Variants in SLFN12L observed in about 807,000 individuals in gnomAD.
SLFN12L encodes the protein schlafen family member 12-like.
A neutral mutation model predicts 34.8 loss-of-function variants in SLFN12L; 34 were observed. The ratio of observed to expected loss-of-function variants is 0.98; its 90% confidence interval spans 0.74 to 1.30. SLFN12L has a LOEUF of 1.30. Among genes scored for constraint, SLFN12L ranks in the 50% most tolerant of loss-of-function variants. SLFN12L has a pLI of 0.00. For synonymous variants in SLFN12L, 259 were observed against 247.5 expected, an observed-to-expected ratio of 1.05 and a Z score of -0.44; for missense variants, 703 against 696.2, an observed-to-expected ratio of 1.01 and a Z score of -0.11.
Position 35,479,655 on chromosome 17 carries a change from G to A in SLFN12L, c.627C>T (p.Ala209=), listed in dbSNP as rs1914221072. ...YLRPEFPAKR[A]CVDVQEESNM... ...TACTTTCTTCTTGTACATCAACACA[G>A]GCCCTTTTTGCAGGGAATTCTGGTC... The change falls in exon 3 of 5, where the codon GCC becomes GCT. Residue 209 remains alanine (A), a synonymous_variant. Coordinates refer to ENST00000628453, the MANE Select transcript of SLFN12L (RefSeq NM_001363830.2). The A allele has an allele frequency of 5.6e-6, 9 of 1,611,238 alleles. No homozygotes were observed. Among genetic ancestry groups the A allele is most frequent in the South Asian group, 5.5e-5 (5 of 90,808 alleles).
chr17:35,522,304 T>C lies in SLFN12L; in HGVS notation c.61A>G (p.Ser21Gly), dbSNP rs370557100. 2 of 1,613,970 alleles carry C rather than the reference T, an allele frequency of 1.2e-6. No homozygotes were observed. The highest frequency in any genetic ancestry group is 2.7e-5 in the African/African-American group (2 of 74,916). ...CTGATGAAATTCCTCAGAAACTGAC[T>C]TTCACAAATGTAGAGAATTCTGTGT... is the stretch of plus-strand genomic sequence containing the variant. ...EAHRILYICE[S>G]QFLRNFIRKE... The change falls in exon 2 of 5, where the codon AGT becomes GGT. Residue 21 changes from serine (S) to glycine (G), a missense_variant. Physicochemically the swap from Ser to Gly is moderately conservative, Grantham distance 56 (BLOSUM62 0). Coordinates refer to ENST00000628453, the MANE Select transcript of SLFN12L (RefSeq NM_001363830.2).
At chr17:35,514,020 A>T (rs754173840) in intron 2 of SLFN12L, among the ~76,000 whole-genome samples, 3 of 152,250 alleles carry the variant, frequency 2.0e-5, no homozygotes, top group African/African-American at 7.2e-5. Flanking sequence ...AACAGAACCA[A>T]ATGACCGAGA....
intron 2 of SLFN12L, among the ~76,000 whole-genome samples, chr17:35,518,277 T>A (rs1371273104): frequency 2.6e-5 from 4 of 152,032 alleles, no homozygotes; most frequent in Non-Finnish European, 4.4e-5. Flanking sequence ...TATGACCAGG[T>A]GTGGTGGCCC....
intron 2 of SLFN12L, among the ~76,000 whole-genome samples, chr17:35,480,667 G>T (rs1055503781): frequency 6.6e-6 from 1 of 151,834 alleles, no homozygotes; most frequent in African/African-American, 2.4e-5. Context: ...GCCAGATAGG[G>T]TCTAAGAGGG....
chr17:35,532,508 A>G (rs1034298915), intron 1 of SLFN12L, among the ~76,000 whole-genome samples: 2 of 152,112 alleles, frequency 1.3e-5, no homozygotes, highest in African/African-American at 4.8e-5. Flanking sequence ...AGATAAATCA[A>G]TAACAGAATA....
intron 2 of SLFN12L, among the ~76,000 whole-genome samples, chr17:35,509,703 CTTT>C (rs538671249): frequency 6.9e-6 from 1 of 145,726 alleles, no homozygotes. Context: ...AAAAGAGACT[CTTT>C]TTTTTTTTTG....
At chr17:35,497,412 TA>T (rs1186486854) in intron 2 of SLFN12L, among the ~76,000 whole-genome samples, 2 of 151,380 alleles carry the variant, frequency 1.3e-5, no homozygotes, top group African/African-American at 4.8e-5. Context: ...ATAAATAAAA[TA>T]AATATAAAAA....
intron 2 of SLFN12L, among the ~76,000 whole-genome samples, chr17:35,508,271 G>T (rs1873447777): frequency 1.3e-5 from 2 of 152,190 alleles, no homozygotes; most frequent in South Asian, 4.1e-4. Flanking sequence ...CTCAGTTTTT[G>T]GAGACGTGAG....
intron 2 of SLFN12L, among the ~76,000 whole-genome samples, chr17:35,504,944 CT>C (rs1251036932): frequency 2.0e-5 from 3 of 152,186 alleles, no homozygotes; most frequent in African/African-American, 7.2e-5. Context: ...TTGGCTATCC[CT>C]TTCACCCTGG....
Position 35,522,563 on chromosome 17 carries a change from T to C in SLFN12L, c.-199A>G, listed in dbSNP as rs1371437582. The C allele has an allele frequency of 1.4e-5, 22 of 1,609,104 alleles. No homozygotes were observed. In the South Asian group the frequency reaches 1.7e-4, roughly 12 times the overall value. On this transcript the variant is annotated 5_prime_UTR_variant, in exon 2 of 5. Coordinates refer to ENST00000628453, the MANE Select transcript of SLFN12L (RefSeq NM_001363830.2). ...CGAGGGACTGCAGCAGGGCTTCCAATGTGCTGGGTGCCTGCAAAACTATAG... is the reference window on the plus strand; with the variant it reads ...CGAGGGACTGCAGCAGGGCTTCCAACGTGCTGGGTGCCTGCAAAACTATAG...
intron 4 of SLFN12L, among the ~76,000 whole-genome samples, chr17:35,477,222 T>A (rs1053654398): frequency 1.3e-5 from 2 of 152,216 alleles, no homozygotes; most frequent in Non-Finnish European, 1.5e-5. Context: ...GAAAAGTGGT[T>A]ATCCACATGG....
chr17:35,474,866 G>A lies in SLFN12L; in HGVS notation c.*57C>T. 2.0e-6 allele frequency: 3 copies of A among 1,465,050 alleles called. No individual in the cohort carries two copies. The highest frequency in any genetic ancestry group is 2.7e-6 in the Non-Finnish European group (3 of 1,110,320). The allele number at this position is 1,465,050 out of a possible 1,614,324, so 90.8% of individuals were successfully genotyped here. A position where few individuals can be genotyped will look rare whatever the true frequency, so the allele number is the denominator to read the frequency against. On this transcript the variant is annotated 3_prime_UTR_variant, in exon 5 of 5. Transcript: ENST00000628453. ...GAATTGCTTGAACCCAGGAGGCAGA[G>A]GTTGCAGTGAGTCGAGATCGTGTCA...
intron 2 of SLFN12L, among the ~76,000 whole-genome samples, chr17:35,521,991 G>A (rs1403465941): frequency 2.0e-5 from 3 of 152,008 alleles, no homozygotes; most frequent in Non-Finnish European, 4.4e-5. Context: ...GAGAGGGAGG[G>A]ATAGCATTAG....
intron 2 of SLFN12L, among the ~76,000 whole-genome samples, chr17:35,484,599 G>A (rs1914501428): frequency 6.6e-6 from 1 of 152,120 alleles, no homozygotes; most frequent in African/African-American, 2.4e-5. Context: ...AAACTCAATG[G>A]CCCTTCACCC....
Position 35,509,171 on chromosome 17 carries a change from G to T in SLFN12L, c.86+13108C>A, listed in dbSNP as rs149157921. On this transcript the variant is annotated intron_variant, in intron 2 of 4. Transcript: ENST00000628453. ...AAACTAAGGTAGTGACAGTGGAAAA[G>T]GAGGCATGGATGGACTAGAGAAGAG... Among the ~76,000 whole-genome samples the T allele has an allele frequency of 1.2e-3, 185 of 152,308 alleles. 1 individual carries two copies. Among genetic ancestry groups the T allele is most frequent in the African/African-American group, 4.1e-3 (172 of 41,558 alleles).
Position 35,530,522 on chromosome 17 carries a change from GA to G in SLFN12L, c.-606+7050del, listed in dbSNP as rs1567694717. ...AAAGAAAGAAAGAAAGAAAAGAAAA[GA>G]AAAGAAAAGAAAAGAAAAGAAAGAA... On this transcript the variant is annotated intron_variant, in intron 1 of 4. Transcript: ENST00000628453. 6.1e-3 allele frequency among the ~76,000 whole-genome samples: 231 copies of G among 37,736 alleles called. 20 individuals carry two copies. The highest frequency in any genetic ancestry group is 0.014 in the African/African-American group (167 of 12,248). 24.8% of individuals were successfully genotyped at this position (37,736 alleles called of 152,430 possible).
At chr17:35,504,345 C>G (rs1484469607) in intron 2 of SLFN12L, among the ~76,000 whole-genome samples, 1 of 152,226 alleles carries the variant, frequency 6.6e-6, no homozygotes, top group Non-Finnish European at 1.5e-5. Context: ...CAAGGATGGA[C>G]TGCCCCAACC....
At chr17:35,495,704 C>G (rs1915031997) in intron 2 of SLFN12L, among the ~76,000 whole-genome samples, 1 of 146,950 alleles carries the variant, frequency 6.8e-6, no homozygotes, top group Non-Finnish European at 1.5e-5. Flanking sequence ...CGATTCTGCT[C>G]GCGAGCCGCA....
At chr17:35,504,619 A>T (rs1915407912) in intron 2 of SLFN12L, among the ~76,000 whole-genome samples, 1 of 152,084 alleles carries the variant, frequency 6.6e-6, no homozygotes, top group African/African-American at 2.4e-5. Flanking sequence ...CTTTTCCAGG[A>T]TTCTACAGCC....
Sources: gnomAD v4.1 joint callset for allele counts (sites outside exome capture counted in the v4.1 genomes callset) on GRCh38, gnomAD v4.1.1 for gene constraint, MANE v1.5 for transcripts, NCBI Gene and HGNC (gene_info 2026-07-23, HGNC 2026-07-21) for gene names.